MGAT4C: variants seen among roughly 807,000 people sequenced by gnomAD.
MGAT4C encodes MGAT4 family member C.
In MGAT4C, 19 loss-of-function variants were observed where a neutral mutation model predicts 40.1. That is an observed-to-expected ratio of 0.47 (90% CI 0.33 to 0.70). The LOEUF (loss-of-function observed/expected upper bound fraction) is 0.70. Among genes scored for constraint, MGAT4C ranks in the 30% least tolerant of loss-of-function variants. The probability of loss-of-function intolerance (pLI) is 0.02; values close to 1 mark genes in which losing one functional copy is unlikely to be tolerated. For synonymous variants in MGAT4C, 181 were observed against 187.1 expected, an observed-to-expected ratio of 0.97 and a Z score of 0.27; for missense variants, 491 against 563.2, an observed-to-expected ratio of 0.87 and a Z score of 1.30.
intron 2 of MGAT4C, among the ~76,000 whole-genome samples, chr12:86,671,169 C>T (rs3937525): frequency 0.043 from 6,537 of 152,188 alleles, 163 homozygotes; most frequent in South Asian, 0.066. Flanking sequence ...CTGAAATAGG[C>T]GATTCTGATG....
At chr12:86,632,459 A>G (rs1231746904) in intron 2 of MGAT4C, among the ~76,000 whole-genome samples, 1 of 151,606 alleles carries the variant, frequency 6.6e-6, no homozygotes, top group African/African-American at 2.4e-5. Context: ...ATGCACACAT[A>G]TATTTGTTGT....
At chr12:86,243,727 GT>G (rs1214443063) in intron 1 of MGAT4C, among the ~76,000 whole-genome samples, 2 of 152,004 alleles carry the variant, frequency 1.3e-5, no homozygotes, top group Non-Finnish European at 2.9e-5. Context: ...AACTACCTGG[GT>G]CTGAAAACGA....
intron 2 of MGAT4C, among the ~76,000 whole-genome samples, chr12:86,611,436 CAG>C (rs1962266188): frequency 8.1e-6 from 1 of 123,332 alleles, no homozygotes; most frequent in South Asian, 2.7e-4. Flanking sequence ...AGATAGATGA[CAG>C]ATAGATAGAT....
At chr12:86,359,068 T>A (rs535485426) in intron 3 of MGAT4C, among the ~76,000 whole-genome samples, 2 of 152,266 alleles carry the variant, frequency 1.3e-5, no homozygotes, top group African/African-American at 4.8e-5. Context: ...ATTGACCACA[T>A]AGTTGGAAGG....
At chr12:86,191,766 G>GTGTGTGTGTGTGTT (rs1889520451) in intron 1 of MGAT4C, among the ~76,000 whole-genome samples, 1 of 144,766 alleles carries the variant, frequency 6.9e-6, no homozygotes, top group East Asian at 2.3e-4. Context: ...GTGTGTGTGT[G>GTGTGTGTGTGTGTT]TGTGTGTGTG....
At chr12:86,154,637 G>A (rs1884692920) in intron 1 of MGAT4C, among the ~76,000 whole-genome samples, 1 of 152,036 alleles carries the variant, frequency 6.6e-6, no homozygotes, top group Admixed American at 6.5e-5. Context: ...TGGACCTATT[G>A]GTTCTCACAT....
At chr12:86,428,027 A>T (rs1956962570) in intron 3 of MGAT4C, among the ~76,000 whole-genome samples, 1 of 151,592 alleles carries the variant, frequency 6.6e-6, no homozygotes, top group South Asian at 2.1e-4. Context: ...TTCAAAAACA[A>T]CAGCAACAAC....
intron 4 of MGAT4C, among the ~76,000 whole-genome samples, chr12:86,319,993 G>A (rs779370266): frequency 3.3e-5 from 5 of 152,050 alleles, no homozygotes; most frequent in South Asian, 2.1e-4. Flanking sequence ...AACCAGTTCC[G>A]TGGTTCTTAT....
intron 2 of MGAT4C, among the ~76,000 whole-genome samples, chr12:86,693,577 T>C (rs1949334239): frequency 6.6e-6 from 1 of 152,166 alleles, no homozygotes; most frequent in South Asian, 2.1e-4. Flanking sequence ...AAATACTTCA[T>C]TTGGTATATG....
intron 1 of MGAT4C, among the ~76,000 whole-genome samples, chr12:86,803,809 C>T (rs1197547077): frequency 6.6e-6 from 1 of 150,458 alleles, no homozygotes; most frequent in Non-Finnish European, 1.5e-5. Flanking sequence ...CACTTTTACA[C>T]TGTTGGTGGG....
chr12:86,429,107 T>A (rs1361357261), intron 3 of MGAT4C, among the ~76,000 whole-genome samples: 1 of 152,124 alleles, frequency 6.6e-6, no homozygotes. Flanking sequence ...TTGCAAGAAC[T>A]TTGCTATTAG....
chr12:86,607,592 TG>T (rs1962086717), intron 2 of MGAT4C, among the ~76,000 whole-genome samples: 1 of 152,150 alleles, frequency 6.6e-6, no homozygotes, highest in Non-Finnish European at 1.5e-5. Flanking sequence ...ATGTGAATAG[TG>T]GTCTCTTGTG....
At chr12:86,369,078 A>G (rs1955667521) in intron 3 of MGAT4C, among the ~76,000 whole-genome samples, 1 of 152,016 alleles carries the variant, frequency 6.6e-6, no homozygotes, top group Non-Finnish European at 1.5e-5. Context: ...AGAATATTAT[A>G]CATTTCTTTT....
At chr12:86,590,991 TTATATC>T (rs1210710753) in intron 2 of MGAT4C, among the ~76,000 whole-genome samples, 8 of 152,014 alleles carry the variant, frequency 5.3e-5, no homozygotes, top group Non-Finnish European at 5.9e-5. Context: ...TATTTTAACT[TTATATC>T]TATTTCTTGG....
At chr12:86,414,731 T>C (rs1459677873) in intron 3 of MGAT4C, among the ~76,000 whole-genome samples, 1 of 152,164 alleles carries the variant, frequency 6.6e-6, no homozygotes, top group African/African-American at 2.4e-5. Flanking sequence ...TTGCTACAAG[T>C]GTACTTGTTA....
At chr12:86,253,185 GC>G (rs1952372774) in intron 1 of MGAT4C, among the ~76,000 whole-genome samples, 1 of 151,798 alleles carries the variant, frequency 6.6e-6, no homozygotes, top group African/African-American at 2.4e-5. Context: ...AAAGATGAGA[GC>G]TTTTCAGGTA....
chr12:86,410,998 C>T (rs1366877470), intron 3 of MGAT4C, among the ~76,000 whole-genome samples: 1 of 144,274 alleles, frequency 6.9e-6, no homozygotes, highest in African/African-American at 2.6e-5. Context: ...TTACCTTCTG[C>T]CATAATTGTA....
At chr12:86,183,090 C>T (rs1219512648) in intron 1 of MGAT4C, among the ~76,000 whole-genome samples, 1 of 152,200 alleles carries the variant, frequency 6.6e-6, no homozygotes, top group Non-Finnish European at 1.5e-5. Context: ...TGCCAGGCTA[C>T]ACTACTTGGT....
intron 3 of MGAT4C, among the ~76,000 whole-genome samples, chr12:86,406,665 A>G (rs1010297827): frequency 6.6e-6 from 1 of 152,084 alleles, no homozygotes; most frequent in Admixed American, 6.6e-5. Context: ...TGTTGCTGGT[A>G]ATGTAAAATG....
Sources: gnomAD v4.1 joint callset for allele counts (sites outside exome capture counted in the v4.1 genomes callset) on GRCh38, gnomAD v4.1.1 for gene constraint, MANE v1.5 for transcripts, NCBI Gene and HGNC (gene_info 2026-07-23, HGNC 2026-07-21) for gene names.